RAB38: variants seen among roughly 807,000 people sequenced by gnomAD.
The protein encoded by RAB38 is ras-related protein Rab-38.
Under a neutral mutation model 18.4 loss-of-function variants are expected in RAB38, and 15 were observed. The ratio of observed to expected loss-of-function variants is 0.82; its 90% CI spans 0.55 to 1.26. The LOEUF is 1.26. RAB38 is among the 50% of genes most tolerant of loss of function. The pLI is 0.00. For missense variants in RAB38, 294 were observed against 267.4 expected (o/e 1.10, Z -0.69); for synonymous variants, 101 against 104.4 (o/e 0.97, Z 0.20).
chr11:87,841,456 T>C, the RAB38 span, among the ~76,000 whole-genome samples: 1 of 152,232 alleles, frequency 6.6e-6, no homozygotes, highest in African/African-American at 2.4e-5. Context: ...ACTATTGTGC[T>C]CAAGTGATTA....
the RAB38 span, among the ~76,000 whole-genome samples, chr11:87,935,308 T>G: frequency 6.6e-6 from 1 of 152,140 alleles, no homozygotes; most frequent in African/African-American, 2.4e-5. Flanking sequence ...TTCCCCCTTT[T>G]CTTCATTTCC....
At chr11:88,158,056 G>GAGAA (rs1248341309) in intron 1 of RAB38, among the ~76,000 whole-genome samples, 2 of 151,888 alleles carry the variant, frequency 1.3e-5, no homozygotes, top group South Asian at 4.1e-4. Context: ...GAAAAAAAGG[G>GAGAA]AGAAGATCCA....
chr11:88,102,246 T>C, the RAB38 span, among the ~76,000 whole-genome samples: 1 of 151,982 alleles, frequency 6.6e-6, no homozygotes. Flanking sequence ...TTCAATAGGA[T>C]ATAATGTTTT....
At chr11:88,146,418 A>G (rs1051811780) in intron 2 of RAB38, among the ~76,000 whole-genome samples, 1 of 152,198 alleles carries the variant, frequency 6.6e-6, no homozygotes, top group African/African-American at 2.4e-5. Flanking sequence ...TTATGTCGTC[A>G]CTCAAAAGGA....
intron 2 of RAB38, among the ~76,000 whole-genome samples, chr11:88,128,456 C>T (rs983636581): frequency 2.0e-5 from 3 of 152,224 alleles, no homozygotes; most frequent in African/African-American, 7.2e-5. Context: ...CCGTAAGTTA[C>T]TGGTTGCAAA....
chr11:88,172,147 C>T (rs978157771), intron 1 of RAB38, among the ~76,000 whole-genome samples: 3 of 152,250 alleles, frequency 2.0e-5, no homozygotes, highest in Non-Finnish European at 4.4e-5. Context: ...TCAAATCTGG[C>T]TCTTCCTCTA....
the RAB38 span, among the ~76,000 whole-genome samples, chr11:87,978,003 TTAA>T: frequency 1.8e-3 from 159 of 89,692 alleles, no homozygotes; most frequent in Non-Finnish European, 2.6e-3. Context: ...AACTATTATT[TTAA>T]TATTATATAA....
At chr11:87,975,489 A>G in the RAB38 span, among the ~76,000 whole-genome samples, 1 of 152,080 alleles carries the variant, frequency 6.6e-6, no homozygotes, top group African/African-American at 2.4e-5. Flanking sequence ...AATCAGAACT[A>G]CAACACGAAA....
At chr11:87,898,175 C>A in the RAB38 span, among the ~76,000 whole-genome samples, 1 of 151,672 alleles carries the variant, frequency 6.6e-6, no homozygotes, top group African/African-American at 2.4e-5. Flanking sequence ...AAATGAATAC[C>A]TGACCTTCAC....
the RAB38 span, among the ~76,000 whole-genome samples, chr11:88,069,102 G>T: frequency 0.021 from 3,204 of 152,318 alleles, 107 homozygotes; most frequent in African/African-American, 0.072. Context: ...GGGCCAGGGC[G>T]AGCTCCCGGT....
the RAB38 span, among the ~76,000 whole-genome samples, chr11:87,873,722 C>T: frequency 6.6e-6 from 1 of 151,134 alleles, no homozygotes; most frequent in Admixed American, 6.6e-5. Flanking sequence ...ATCCTTTTTC[C>T]ATTGAATTGT....
the RAB38 span, among the ~76,000 whole-genome samples, chr11:87,977,484 A>C: frequency 1.3e-4 from 6 of 47,030 alleles, 3 homozygotes; most frequent in African/African-American, 6.2e-4. Context: ...ATATATAATT[A>C]TATATAATAT....
At chr11:88,033,450 C>T in the RAB38 span, among the ~76,000 whole-genome samples, 1 of 151,752 alleles carries the variant, frequency 6.6e-6, no homozygotes, top group Non-Finnish European at 1.5e-5. Context: ...ACCTTTGATT[C>T]CTGGTATAAA....
At chr11:87,850,057 C>T in the RAB38 span, among the ~76,000 whole-genome samples, 2 of 152,106 alleles carry the variant, frequency 1.3e-5, no homozygotes, top group African/African-American at 2.4e-5. Context: ...TATAAGTACA[C>T]ATACTCTCTC....
At chr11:87,832,499 T>C in the RAB38 span, among the ~76,000 whole-genome samples, 2 of 152,188 alleles carry the variant, frequency 1.3e-5, no homozygotes, top group Non-Finnish European at 2.9e-5. Context: ...ATTGAGATTA[T>C]TGGCAGAATC....
At chr11:88,029,527 G>A in the RAB38 span, among the ~76,000 whole-genome samples, 1 of 152,122 alleles carries the variant, frequency 6.6e-6, no homozygotes, top group Admixed American at 6.6e-5. Flanking sequence ...ATAAAAGGAT[G>A]GAGGAAGATC....
the RAB38 span, among the ~76,000 whole-genome samples, chr11:87,841,720 A>G: frequency 6.6e-6 from 1 of 152,178 alleles, no homozygotes; most frequent in South Asian, 2.1e-4. Context: ...TGGACGTGAA[A>G]AAACTCATTG....
the RAB38 span, among the ~76,000 whole-genome samples, chr11:87,920,812 T>C: frequency 6.6e-6 from 1 of 152,134 alleles, no homozygotes; most frequent in African/African-American, 2.4e-5. Context: ...TATATTTTGG[T>C]ACTTCCATGT....
the RAB38 span, among the ~76,000 whole-genome samples, chr11:88,049,599 C>A: frequency 1.3e-5 from 2 of 152,198 alleles, no homozygotes; most frequent in African/African-American, 4.8e-5. Context: ...TCACACAAAG[C>A]CTGTTTGGTG....
Sources: gnomAD v4.1 joint callset for allele counts (sites outside exome capture counted in the v4.1 genomes callset) on GRCh38, gnomAD v4.1.1 for gene constraint, MANE v1.5 for transcripts, NCBI Gene and HGNC (gene_info 2026-07-23, HGNC 2026-07-21) for gene names.